The following SHPRH variants were observed in gnomAD, a reference collection of about 807,000 sequenced individuals.
SHPRH encodes E3 ubiquitin-protein ligase SHPRH.
In SHPRH, 106 loss-of-function variants were observed where a neutral mutation model predicts 202.5. The ratio of observed to expected loss-of-function variants is 0.52; its 90% confidence interval spans 0.45 to 0.62. The LOEUF (loss-of-function observed/expected upper bound fraction) is 0.62, where lower values mean the gene tolerates loss of function less well. Among genes scored for constraint, SHPRH ranks in the 20% least tolerant of loss-of-function variants. SHPRH has a pLI of 0.00. For synonymous variants in SHPRH, 729 were observed against 686.0 expected (o/e 1.06, Z -0.98); for missense variants, 1,710 against 2,020.0 (o/e 0.85, Z 2.94).
At chr6:145,905,407 T>A (rs1782874829) in intron 25 of SHPRH, 1 of 152,068 alleles carries the variant, frequency 6.6e-6, no homozygotes, top group Non-Finnish European at 1.5e-5. Flanking sequence ...ACTTCTTCCT[T>A]CAATAACTCT....
chr6:145,897,822 C>T (rs1041202844), intron 25 of SHPRH, among the ~76,000 whole-genome samples: 1 of 152,062 alleles, frequency 6.6e-6, no homozygotes, highest in African/African-American at 2.4e-5. Context: ...ATTCAACATA[C>T]TTCAATAAAC....
At chr6:145,924,575 C>A (rs1010298145) in intron 17 of SHPRH, among the ~76,000 whole-genome samples, 164 bp downstream of exon 17, 1 of 151,872 alleles carries the variant, frequency 6.6e-6, no homozygotes, top group Non-Finnish European at 1.5e-5. Flanking sequence ...ACCAATAAAT[C>A]ATTGCTAACA....
At chr6:145,908,161 T>A (rs1000202393) in intron 25 of SHPRH, 9 of 152,184 alleles carry the variant, frequency 5.9e-5, no homozygotes, top group Admixed American at 5.9e-4. Flanking sequence ...ATCTAGTCTA[T>A]CATTGATGGG....
At chr6:145,939,811 AT>A (rs966303666) in intron 11 of SHPRH, among the ~76,000 whole-genome samples, 116 of 152,224 alleles carry the variant, frequency 7.6e-4, no homozygotes, top group African/African-American at 2.6e-3. Flanking sequence ...AAAAATAATC[AT>A]TGGAAAACAC....
chr6:145,928,808 C>CA (rs1261668999), intron 14 of SHPRH, among the ~76,000 whole-genome samples: 1 of 151,890 alleles, frequency 6.6e-6, no homozygotes, highest in Non-Finnish European at 1.5e-5. Context: ...CACACATTAT[C>CA]AAAGAACTGT....
At chr6:145,862,696 C>G (rs1377919484), downstream of SHPRH, 1 of 152,212 alleles carries the variant, frequency 6.6e-6, no homozygotes, top group Non-Finnish European at 1.5e-5. Context: ...TGTGTTTCAG[C>G]TGTCAAACTG....
intron 13 of SHPRH, among the ~76,000 whole-genome samples, chr6:145,933,570 G>C (rs1402213333): frequency 6.6e-6 from 1 of 152,064 alleles, no homozygotes; most frequent in Admixed American, 6.6e-5. Flanking sequence ...ATCCTCTAAG[G>C]TTAAATGCCA....
intron 25 of SHPRH, among the ~76,000 whole-genome samples, chr6:145,901,259 AAATG>A (rs1395137870): frequency 2.0e-5 from 3 of 152,124 alleles, no homozygotes; most frequent in African/African-American, 7.2e-5. Context: ...TTGGCAATTG[AAATG>A]AATGTTTTAT....
At chr6:145,860,645 A>T (rs1432758122), downstream of SHPRH, among the ~76,000 whole-genome samples, 1 of 152,106 alleles carries the variant, frequency 6.6e-6, no homozygotes, top group East Asian at 1.9e-4. Context: ...TAGAAAAAAG[A>T]ATCCTAAAAT....
At chr6:145,947,086 A>G (rs1250917604) in intron 6 of SHPRH, among the ~76,000 whole-genome samples, 1 of 152,092 alleles carries the variant, frequency 6.6e-6, no homozygotes, top group Non-Finnish European at 1.5e-5. Flanking sequence ...GTTCTTTAAC[A>G]AAGTTCTAAT....
intron 1 of SHPRH, among the ~76,000 whole-genome samples, chr6:145,961,421 T>C (rs1030489241): frequency 6.6e-6 from 1 of 152,160 alleles, no homozygotes; most frequent in African/African-American, 2.4e-5. Flanking sequence ...TTATTTCCAC[T>C]CAAAGTATAG....
At chr6:145,876,429 A>C (rs1031989893) in intron 2 of SHPRH, among the ~76,000 whole-genome samples, 1 of 152,230 alleles carries the variant, frequency 6.6e-6, no homozygotes, top group Non-Finnish European at 1.5e-5. Flanking sequence ...AGAAATATAC[A>C]GTATTTTGGG....
At chr6:145,890,636 C>T (rs1390302556) in intron 28 of SHPRH, among the ~76,000 whole-genome samples, 2 of 152,160 alleles carry the variant, frequency 1.3e-5, no homozygotes, top group Admixed American at 1.3e-4. Context: ...TCTATCTAAA[C>T]TCTGTCTCTA....
In SHPRH at chr6:145,919,505, A is replaced by G; in HGVS notation, c.4009-14T>C. The G allele has an allele frequency of 6.2e-7, 1 of 1,611,838 alleles. No individual in the cohort carries two copies. Among genetic ancestry groups the G allele is most frequent in the African/African-American group, 1.3e-5 (1 of 74,924 alleles). Reference sequence around the variant, plus strand: ...TTCATGAAGCAACTGAAGGAATAGAAAAGACAAACACAGTGGTAAAGCATG... The same window carrying G: ...TTCATGAAGCAACTGAAGGAATAGAGAAGACAAACACAGTGGTAAAGCATG... On this transcript the variant is annotated splice_polypyrimidine_tract_variant and intron_variant, in intron 21 of 29. Transcript: ENST00000275233.
intron 21 of SHPRH, among the ~76,000 whole-genome samples, chr6:145,920,740 CT>C (rs1427806548): frequency 6.6e-6 from 1 of 151,916 alleles, no homozygotes; most frequent in Non-Finnish European, 1.5e-5. Flanking sequence ...GCATATCGGG[CT>C]TTATTTATTG....
chr6:145,875,557 T>G (rs1174563260), intron 2 of SHPRH, among the ~76,000 whole-genome samples: 1 of 152,176 alleles, frequency 6.6e-6, no homozygotes, highest in Admixed American at 6.5e-5. Context: ...TGTAGTACTT[T>G]GAGGTTGCAT....
At chr6:145,916,247 A>G (rs1007803828) in intron 23 of SHPRH, among the ~76,000 whole-genome samples, 7 of 152,218 alleles carry the variant, frequency 4.6e-5, no homozygotes, top group African/African-American at 1.7e-4. Context: ...TTTCACATAC[A>G]GGTTGAGCAT....
chr6:145,927,046 A>C lies in SHPRH; in HGVS notation c.3201+143T>G, dbSNP rs1334261818. The C allele has an allele frequency of 7.0e-6, 5 of 716,426 alleles. No homozygotes were observed. The South Asian group carries it at 9.0e-5, about 13-fold the overall frequency. 44.4% of individuals were successfully genotyped at this position (716,426 alleles called of 1,614,324 possible). Reference sequence around the variant, plus strand: ...GTTAGTGTACATACAAATCATCTAAAATGCTTATTGAGAAGACTGAATCCC... The same window carrying C: ...GTTAGTGTACATACAAATCATCTAACATGCTTATTGAGAAGACTGAATCCC... On this transcript the variant is annotated intron_variant, in intron 15 of 29. Coordinates refer to ENST00000275233, the MANE Select transcript of SHPRH (RefSeq NM_001042683.3).
intron 23 of SHPRH, among the ~76,000 whole-genome samples, chr6:145,914,696 A>G (rs1331095370): frequency 1.3e-5 from 2 of 152,146 alleles, no homozygotes; most frequent in Non-Finnish European, 2.9e-5. Flanking sequence ...AGTATTTTCT[A>G]ATTTCCATTT....
Sources: allele counts gnomAD v4.1 joint callset (sites outside exome capture counted in the v4.1 genomes callset), GRCh38; gene constraint gnomAD v4.1.1; transcripts MANE v1.5; gene names NCBI Gene and HGNC (gene_info 2026-07-23, HGNC 2026-07-21).